Variants in EIF4G3 observed in about 807,000 individuals in gnomAD.
The protein encoded by EIF4G3 is eukaryotic translation initiation factor 4 gamma 3, also known as eIF-4-gamma 3.
EIF4G3 carries 34 observed loss-of-function variants against 186.4 expected under a neutral mutation model. The observed-to-expected ratio is 0.18, with a 90% CI of 0.14 to 0.24. The LOEUF (loss-of-function observed/expected upper bound fraction) is 0.24. Ranked by LOEUF, EIF4G3 falls within the 10% of genes least tolerant of loss-of-function variation. EIF4G3 has a pLI of 1.00. For missense variants in EIF4G3, 1,536 were observed against 1,948.5 expected, an observed-to-expected ratio of 0.79 and a Z score of 3.99; for synonymous variants, 673 against 679.5, an observed-to-expected ratio of 0.99 and a Z score of 0.15.
At chr1:21,047,787 T>A (rs904444518) in intron 4 of EIF4G3, among the ~76,000 whole-genome samples, 4 of 152,190 alleles carry the variant, frequency 2.6e-5, no homozygotes, top group Non-Finnish European at 5.9e-5. Flanking sequence ...CTGTTTCAAC[T>A]GTGAAACCTA....
At chr1:21,148,756 A>C (rs962300822) in intron 2 of EIF4G3, among the ~76,000 whole-genome samples, 5 of 151,052 alleles carry the variant, frequency 3.3e-5, no homozygotes, top group Non-Finnish European at 7.4e-5. Context: ...GCAACTCGAG[A>C]GGCTGAGGTG....
intron 14 of EIF4G3, among the ~76,000 whole-genome samples, chr1:20,935,362 T>C (rs2095487009): frequency 6.6e-6 from 1 of 152,176 alleles, no homozygotes; most frequent in Non-Finnish European, 1.5e-5. Context: ...TGTACAATAA[T>C]TTTTATTATG....
At chr1:20,922,718 T>C (rs1572887090) in intron 14 of EIF4G3, among the ~76,000 whole-genome samples, 1 of 152,338 alleles carries the variant, frequency 6.6e-6, no homozygotes, top group South Asian at 2.1e-4. Context: ...AGTTTCAACA[T>C]TTTTACCAAC....
At chr1:20,826,481 CTTTTTTTTTTTTTTTT>C (rs71014120) in intron 32 of EIF4G3, among the ~76,000 whole-genome samples, 14 of 50,658 alleles carry the variant, frequency 2.8e-4, no homozygotes, top group South Asian at 1.5e-3. Flanking sequence ...GTGAGTCTTT[CTTTTTTTTTTTTTTTT>C]TTTTTTTTTT....
chr1:21,110,300 C>CTT (rs1003890007), intron 2 of EIF4G3, among the ~76,000 whole-genome samples: 7 of 144,534 alleles, frequency 4.8e-5, no homozygotes, highest in African/African-American at 1.5e-4. Flanking sequence ...AACGTTTTCT[C>CTT]TTTTTTTTTT....
intron 19 of EIF4G3, 91 bp downstream of exon 19, chr1:20,886,110 G>T (rs778113049): frequency 2.1e-6 from 3 of 1,399,792 alleles, no homozygotes; most frequent in South Asian, 1.4e-5. Flanking sequence ...GTCTTAAACT[G>T]ATTATCTCTA....
rs2096707196 is a variant in EIF4G3, at chr1:21,110,583, C to G, written c.-271-21370G>C. Among the ~76,000 whole-genome samples the G allele has an allele frequency of 3.9e-5, 6 of 152,280 alleles. No homozygotes were observed. In the South Asian group the frequency reaches 1.2e-3, roughly 32 times the overall value. ...GTGCTAGGATTACAGGTGTGAGCCA[C>G]CACGCCTGGCCTAATTTTTGTATTT... On this transcript the variant is annotated intron_variant, in intron 2 of 36. Coordinates refer to ENST00000602326, the MANE Select transcript of EIF4G3 (RefSeq NM_001391906.1).
At chr1:20,944,291 G>T (rs2095849679) in intron 13 of EIF4G3, among the ~76,000 whole-genome samples, 1 of 151,914 alleles carries the variant, frequency 6.6e-6, no homozygotes, top group African/African-American at 2.4e-5. Flanking sequence ...GAGACGGGAG[G>T]ATCTCTTGAG....
intron 2 of EIF4G3, among the ~76,000 whole-genome samples, chr1:21,114,797 TGG>T (rs1371635554): frequency 1.3e-5 from 2 of 152,186 alleles, no homozygotes; most frequent in African/African-American, 4.8e-5. Flanking sequence ...ATGTGCATGT[TGG>T]GGAAAAACTC....
intron 2 of EIF4G3, among the ~76,000 whole-genome samples, chr1:21,105,892 A>G (rs1041660854): frequency 6.6e-6 from 1 of 152,100 alleles, no homozygotes; most frequent in African/African-American, 2.4e-5. Flanking sequence ...TCAAGAACTC[A>G]TCTCTACAAA....
At chr1:20,985,639 T>C (rs890162300) in intron 7 of EIF4G3, among the ~76,000 whole-genome samples, 1 of 152,162 alleles carries the variant, frequency 6.6e-6, no homozygotes, top group Admixed American at 6.5e-5. Context: ...ATAGCAGTAA[T>C]CCATAGGTTA....
intron 4 of EIF4G3, among the ~76,000 whole-genome samples, chr1:21,031,384 CA>C (rs35183246): frequency 0.15 from 10,806 of 73,314 alleles, 443 homozygotes; most frequent in African/African-American, 0.24. Context: ...GGAATGATGG[CA>C]AAAAAAAAAA....
At chr1:21,007,366 C>A (rs920656105) in intron 4 of EIF4G3, among the ~76,000 whole-genome samples, 2 of 151,718 alleles carry the variant, frequency 1.3e-5, no homozygotes, top group Non-Finnish European at 2.9e-5. Context: ...CCACTGCAAT[C>A]CAACCTAGAT....
In EIF4G3 at chr1:20,807,404, T is replaced by G; in HGVS notation, c.4841A>C (p.Gln1614Pro). The change falls in exon 37 of 37, where the codon CAG becomes CCG. Residue 1614 changes from glutamine (Q) to proline (P), a missense_variant. Gln to Pro is a moderately conservative substitution (Grantham distance 76). Coordinates refer to ENST00000602326, the MANE Select transcript of EIF4G3 (RefSeq NM_001391906.1). ...KWESSKDPAE[Q>P]NGKGVALKSV... is the part of the protein sequence containing the mutation. ...TTTCAGAGCCACGCCCTTCCCATTC[T>G]GCTCTGCAGGGTCCTTGCTGCTCTC... 1 of 1,613,200 alleles carries G rather than the reference T, an allele frequency of 6.2e-7. No homozygotes were observed. The highest frequency in any genetic ancestry group is 8.5e-7 in the Non-Finnish European group (1 of 1,179,326).
chr1:20,935,496 A>G (rs114944029), intron 14 of EIF4G3, among the ~76,000 whole-genome samples: 4,303 of 152,342 alleles, frequency 0.028, 85 homozygotes, highest in Non-Finnish European at 0.043. Flanking sequence ...TTTTCTTAAT[A>G]AAGTCTTACT....
chr1:21,141,984 A>G (rs923494750), intron 2 of EIF4G3, among the ~76,000 whole-genome samples: 1 of 152,160 alleles, frequency 6.6e-6, no homozygotes, highest in African/African-American at 2.4e-5. Flanking sequence ...ATTCAAGATA[A>G]TATTTCCCTA....
intron 32 of EIF4G3, among the ~76,000 whole-genome samples, chr1:20,825,592 G>A (rs1396797047): frequency 2.0e-5 from 3 of 152,206 alleles, no homozygotes; most frequent in Non-Finnish European, 4.4e-5. Context: ...TTTATGAGGT[G>A]ACTAATCTGG....
At chr1:21,105,185 G>A (rs2096593516) in intron 2 of EIF4G3, among the ~76,000 whole-genome samples, 1 of 152,216 alleles carries the variant, frequency 6.6e-6, no homozygotes, top group Admixed American at 6.5e-5. Flanking sequence ...CACTTTGGGA[G>A]GCCAAGGCAG....
chr1:20,954,810 A>T (rs896942736), intron 12 of EIF4G3, among the ~76,000 whole-genome samples: 1 of 152,184 alleles, frequency 6.6e-6, no homozygotes. Context: ...TCATTTAATC[A>T]CTATAGGTAT....
Sources: gnomAD v4.1 joint callset for allele counts (sites outside exome capture counted in the v4.1 genomes callset) on GRCh38, gnomAD v4.1.1 for gene constraint, MANE v1.5 for transcripts, NCBI Gene and HGNC (gene_info 2026-07-23, HGNC 2026-07-21) for gene names.